Variants in TSHZ3 observed in about 807,000 individuals in gnomAD.
The protein encoded by TSHZ3 is teashirt zinc finger homeobox 3.
In TSHZ3, 10 loss-of-function variants were observed where a neutral mutation model predicts 64.5. The ratio of observed to expected loss-of-function variants is 0.16; its 90% CI spans 0.10 to 0.26. TSHZ3 has a LOEUF of 0.26. TSHZ3 is among the 10% of genes least tolerant of loss of function. The pLI, the probability that TSHZ3 is intolerant of heterozygous loss-of-function variation, is 1.00. For missense variants in TSHZ3, 1,242 were observed against 1,421.7 expected (o/e 0.87, Z 2.03); for synonymous variants, 608 against 593.1 (o/e 1.03, Z -0.36).
At chr19:31,264,984 T>C (rs184321121) in intron 1 of TSHZ3, among the ~76,000 whole-genome samples, 1 of 152,080 alleles carries the variant, frequency 6.6e-6, no homozygotes, top group Non-Finnish European at 1.5e-5. Flanking sequence ...CTATACCTTG[T>C]GGAGAGAGTG....
chr19:31,155,020 A>G (rs1974287846), intron 6 of TSHZ3, among the ~76,000 whole-genome samples: 2 of 152,260 alleles, frequency 1.3e-5, no homozygotes, highest in Admixed American at 1.3e-4. Context: ...ACCTGGGAAG[A>G]GAAGTCCTGA....
intron 4 of TSHZ3, among the ~76,000 whole-genome samples, chr19:31,214,116 A>G (rs1975295273): frequency 6.6e-6 from 1 of 152,120 alleles, no homozygotes; most frequent in Admixed American, 6.5e-5. Flanking sequence ...CTCAAACCAA[A>G]TGAGGTTGAA....
At chr19:31,309,028 T>A (rs1300149117) in intron 1 of TSHZ3, among the ~76,000 whole-genome samples, 3 of 152,252 alleles carry the variant, frequency 2.0e-5, no homozygotes, top group Non-Finnish European at 4.4e-5. Context: ...GTGACCACCG[T>A]GCTGTTGGCC....
At chr19:31,154,880 A>G (rs1974285415) in intron 6 of TSHZ3, among the ~76,000 whole-genome samples, 1 of 152,166 alleles carries the variant, frequency 6.6e-6, no homozygotes. Flanking sequence ...TGTCTCTATC[A>G]TAAGGGCCAG....
At chr19:31,259,024 G>A (rs763094916) in intron 1 of TSHZ3, among the ~76,000 whole-genome samples, 7 of 152,202 alleles carry the variant, frequency 4.6e-5, no homozygotes, top group Non-Finnish European at 8.8e-5. Context: ...TAAAGTCACG[G>A]CAGTATTCAA....
chr19:31,204,184 G>T (rs1975128913), intron 5 of TSHZ3, among the ~76,000 whole-genome samples: 1 of 151,728 alleles, frequency 6.6e-6, no homozygotes, highest in African/African-American at 2.4e-5. Context: ...TGAGATTTGG[G>T]TGGGGACACA....
Position 31,278,194 on chromosome 19 carries a change from T to G in TSHZ3, c.1599A>C (p.Ala533=), listed in dbSNP as rs1225708168. The part of the protein sequence containing the change: ...LKSLENTVTS[A]INKAQNGTPS... Reference sequence around the variant, plus strand: ...GAGTGCCGTTCTGGGCCTTGTTGATTGCGGATGTCACTGTGTTTTCCAAGG... The same window carrying G: ...GAGTGCCGTTCTGGGCCTTGTTGATGGCGGATGTCACTGTGTTTTCCAAGG... Residue 533 remains alanine, a synonymous_variant, in exon 2 of 2, where the codon GCA becomes GCC. Transcript: ENST00000240587. This position sits in a 1 kb window ranked among gnomAD's most constrained non-coding sequence, Gnocchi z 4.7. 2 of 1,614,134 alleles carry G rather than the reference T, an allele frequency of 1.2e-6. No individual in the cohort carries two copies. The highest frequency in any genetic ancestry group is 1.7e-6 in the Non-Finnish European group (2 of 1,180,020).
At chr19:31,237,155 A>AG (rs1975628628) in intron 3 of TSHZ3, among the ~76,000 whole-genome samples, 1 of 152,192 alleles carries the variant, frequency 6.6e-6, no homozygotes, top group Non-Finnish European at 1.5e-5. Context: ...CTAAGAAAAA[A>AG]CAAACAAACA....
chr19:31,150,135 AT>A (rs145973379), exon 7 of TSHZ3, among the ~76,000 whole-genome samples: 21 of 152,098 alleles, frequency 1.4e-4, no homozygotes, highest in African/African-American at 2.4e-5. Context: ...GCAAAATGTG[AT>A]TTTTTTCCCC....
At chr19:31,348,983 G>A (rs1203538725) in intron 1 of TSHZ3, 197 bp downstream of exon 1, 5 of 638,262 alleles carry the variant, frequency 7.8e-6, no homozygotes, top group South Asian at 6.6e-5. Flanking sequence ...AGAGGGAAGA[G>A]GGCAGAGCGC....
Position 31,278,758 on chromosome 19 carries a change from G to A in TSHZ3, c.1035C>T (p.Ile345=), listed in dbSNP as rs1248077008. 6.2e-7 allele frequency: 1 copy of A among 1,614,098 alleles called. No homozygotes were observed. The highest frequency in any genetic ancestry group is 8.5e-7 in the Non-Finnish European group (1 of 1,180,050). The change falls in exon 2 of 2, where the codon ATC becomes ATT. Residue 345 remains isoleucine (I), a synonymous_variant. Coordinates refer to ENST00000240587, the MANE Select transcript of TSHZ3 (RefSeq NM_020856.4). The surrounding 1 kb of genome is among the most constrained non-coding windows in gnomAD (Gnocchi z 4.7). ...DSTGGTPKAT[I]SDTNDALQKN... ...TCTGAAGTGCATCGTTGGTGTCTGA[G>A]ATGGTGGCTTTGGGGGTTCCACCTG...
intron 1 of TSHZ3, among the ~76,000 whole-genome samples, chr19:31,307,541 C>T (rs917921948): frequency 2.6e-5 from 4 of 152,174 alleles, no homozygotes; most frequent in Non-Finnish European, 4.4e-5. Flanking sequence ...AATAAAACCG[C>T]GTGATGAATG....
intron 5 of TSHZ3, among the ~76,000 whole-genome samples, chr19:31,181,486 T>A (rs560872784): frequency 6.6e-6 from 1 of 152,312 alleles, no homozygotes; most frequent in East Asian, 1.9e-4. Flanking sequence ...AGCAGTGCTC[T>A]GTGGCTGGGT....
At chr19:31,242,728 A>C (rs2145185120) in intron 2 of TSHZ3, among the ~76,000 whole-genome samples, 1 of 150,524 alleles carries the variant, frequency 6.6e-6, no homozygotes, top group South Asian at 2.1e-4. Context: ...CTGATGTCCA[A>C]AAGCATCAGA....
In TSHZ3 at chr19:31,201,707, G is replaced by A. The variant is rs540378704; in HGVS notation, n.809+3249C>T. ...TCATTCAACTGCTGGGTGGAAGAGCGGCTTCCCTCTTCCTTCCTCAGAAGA... is the reference window on the plus strand; with the variant it reads ...TCATTCAACTGCTGGGTGGAAGAGCAGCTTCCCTCTTCCTTCCTCAGAAGA... On this transcript the variant is annotated intron_variant and non_coding_transcript_variant, in intron 5 of 6. Coordinates refer to the TSHZ3 transcript ENST00000651361. Among the ~76,000 whole-genome samples the A allele has an allele frequency of 5.1e-4, 77 of 152,188 alleles. 1 individual carries two copies. The highest frequency in any genetic ancestry group is 1.8e-3 in the African/African-American group (73 of 41,512).
intron 1 of TSHZ3, among the ~76,000 whole-genome samples, chr19:31,258,035 G>A (rs1045142399): frequency 6.6e-6 from 1 of 152,146 alleles, no homozygotes; most frequent in Non-Finnish European, 1.5e-5. Flanking sequence ...GGTGAGACTG[G>A]GGCAATTGAT....
Position 31,282,948 on chromosome 19 carries a change from A to G in TSHZ3, c.41-3196T>C, listed in dbSNP as rs147317101. ...GACGTGGGCCTCACTCCCTGTTCAAATGACCATTTTCTTTTCCGATCTGAA... is the reference window on the plus strand; with the variant it reads ...GACGTGGGCCTCACTCCCTGTTCAAGTGACCATTTTCTTTTCCGATCTGAA... On this transcript the variant is annotated intron_variant, in intron 1 of 1. Coordinates refer to ENST00000240587, the MANE Select transcript of TSHZ3 (RefSeq NM_020856.4). Among the ~76,000 whole-genome samples, 374 of 152,264 alleles carry G rather than the reference A, an allele frequency of 2.5e-3. 2 individuals are homozygous for G. Among genetic ancestry groups the G allele is most frequent in the African/African-American group, 8.2e-3 (340 of 41,556 alleles).
chr19:31,213,213 C>T (rs933206415), intron 4 of TSHZ3, among the ~76,000 whole-genome samples: 1 of 151,304 alleles, frequency 6.6e-6, no homozygotes, highest in African/African-American at 2.4e-5. Context: ...AAAAATTAGC[C>T]GGGCGTGGCG....
At chr19:31,336,279 T>C (rs755022616) in intron 1 of TSHZ3, among the ~76,000 whole-genome samples, 1 of 152,182 alleles carries the variant, frequency 6.6e-6, no homozygotes, top group African/African-American at 2.4e-5. Flanking sequence ...TCCTGAACTA[T>C]GACAATTTTT....
Sources: gnomAD v4.1 joint callset for allele counts (sites outside exome capture counted in the v4.1 genomes callset) on GRCh38, gnomAD v4.1.1 for gene constraint, Gnocchi (gnomAD v3.1) non-coding constraint, MANE v1.5 for transcripts, NCBI Gene and HGNC (gene_info 2026-07-23, HGNC 2026-07-21) for gene names.